ZBTB25: variants seen among roughly 807,000 people sequenced by gnomAD.
ZBTB25 encodes zinc finger and BTB domain-containing protein 25.
Under a neutral mutation model 34.2 loss-of-function variants are expected in ZBTB25, and 20 were observed. The ratio of observed to expected loss-of-function variants is 0.58; its 90% confidence interval spans 0.41 to 0.85. ZBTB25 has a LOEUF of 0.85. Among genes scored for constraint, ZBTB25 ranks in the 40% least tolerant of loss-of-function variants. ZBTB25 has a pLI of 0.00. For synonymous variants in ZBTB25, 175 were observed against 186.4 expected, an observed-to-expected ratio of 0.94 and a Z score of 0.50; for missense variants, 437 against 521.8, an observed-to-expected ratio of 0.84 and a Z score of 1.58.
downstream of ZBTB25, chr14:64,473,140 T>C (rs1234545713): frequency 6.0e-6 from 1 of 167,102 alleles, no homozygotes; most frequent in Non-Finnish European, 1.5e-5. Flanking sequence ...CTCTATTTTA[T>C]GTAGCACTAT....
At position 64,479,889 on chromosome 14, in the gene ZBTB25, A is replaced by G. The variant is rs1227241973; in HGVS notation, c.*7034T>C. ...TACATGAACCTATTCCTTATAATCAATCAATCTCTTTCTCTCTCTCAGTTC... is the reference window on the plus strand; with the variant it reads ...TACATGAACCTATTCCTTATAATCAGTCAATCTCTTTCTCTCTCTCAGTTC... On this transcript the variant is annotated 3_prime_UTR_variant, in exon 3 of 3. Transcript: ENST00000608382. The G allele has an allele frequency of 1.3e-5, 2 of 152,440 alleles. No individual in the cohort carries two copies. Among genetic ancestry groups the G allele is most frequent in the African/African-American group, 4.8e-5 (2 of 41,416 alleles). 9.4% of individuals were successfully genotyped at this position (152,440 alleles called of 1,614,324 possible). A position where few individuals can be genotyped will look rare whatever the true frequency, so the allele number is the denominator to read the frequency against.
At position 64,490,543 on chromosome 14, in the gene ZBTB25, G is replaced by A. The variant is rs1566605911; in HGVS notation, c.-7-3C>T. The stretch of plus-strand genomic sequence containing the variant: ...GGCTGGCAGTGTCCATTGTGGTTCT[G>A]AAAAAAAGGACAAGATAAATGTAGA... On this transcript the variant is annotated splice_polypyrimidine_tract_variant and splice_region_variant and intron_variant, in intron 1 of 2. Transcript: ENST00000608382. 2 of 1,599,312 alleles carry A rather than the reference G, an allele frequency of 1.3e-6. No individual in the cohort carries two copies. Among genetic ancestry groups the A allele is most frequent in the South Asian group, 1.1e-5 (1 of 89,192 alleles).
At chr14:64,468,598 T>G in intron 2 of ZBTB25, 1 of 1,613,898 alleles carries the variant, frequency 6.2e-7, no homozygotes, top group East Asian at 2.2e-5. Context: ...AAGCAGGAGC[T>G]TCTGATCAGC....
At position 64,481,868 on chromosome 14, in the gene ZBTB25, T is replaced by C. The variant is rs2078798759; in HGVS notation, c.*5055A>G. On this transcript the variant is annotated 3_prime_UTR_variant, in exon 3 of 3. Coordinates refer to ENST00000608382, the MANE Select transcript of ZBTB25 (RefSeq NM_006977.5). ...TAATAATTTAAGTGCCACAAATCTA[T>C]ATGTAGTTCAAAATATACAAAGACA... 6.6e-6 allele frequency: 1 copy of C among 152,216 alleles called. No homozygotes were observed. Among genetic ancestry groups the C allele is most frequent in the South Asian group, 2.1e-4 (1 of 4,832 alleles). 9.4% of individuals were successfully genotyped at this position (152,216 alleles called of 1,614,324 possible). A position where few individuals can be genotyped will look rare whatever the true frequency, so the allele number is the denominator to read the frequency against.
intron 1 of ZBTB25, chr14:64,502,921 G>C: frequency 1.0e-6 from 1 of 985,434 alleles, no homozygotes; most frequent in Non-Finnish European, 1.2e-6. Context: ...CTTGTGAGAG[G>C]ATCAACAGCT....
In ZBTB25 at chr14:64,488,056, C is replaced by T; in HGVS notation, c.175G>A (p.Glu59Lys). 1 of 1,609,424 alleles carries T rather than the reference C, an allele frequency of 6.2e-7. No individual in the cohort carries two copies. The change falls in exon 3 of 3, where the codon GAA (glutamate) becomes AAA (lysine). Residue 59 changes from glutamate (E) to lysine (K), a missense_variant and splice_region_variant. Physicochemically the swap from Glu to Lys is moderately conservative, Grantham distance 56 (BLOSUM62 1). Coordinates refer to ENST00000608382, the MANE Select transcript of ZBTB25 (RefSeq NM_006977.5). ...FKMIFIHQTS[E>K]CIKIQPTDIQ... ...TCAGTTGGTTGTATTTTTATGCATT[C>T]ACTGTTAAAAACAAAAACAGACCCA...
At position 64,486,700 on chromosome 14, in the gene ZBTB25, T is replaced by C. The variant is rs1956328270; in HGVS notation, c.*223A>G. 1 of 1,185,324 alleles carries C rather than the reference T, an allele frequency of 8.4e-7. No homozygotes were observed. 73.4% of individuals were successfully genotyped at this position (1,185,324 alleles called of 1,614,324 possible). On this transcript the variant is annotated 3_prime_UTR_variant, in exon 3 of 3. Coordinates refer to ENST00000608382, the MANE Select transcript of ZBTB25 (RefSeq NM_006977.5). ...TTGATTTCTGATTTCTAAATTGTTA[T>C]TTCGTTTGTGAAAAGTTCACAGTAG...
In ZBTB25 at chr14:64,485,239, T is replaced by A; in HGVS notation, c.*1684A>T. Reference sequence around the variant, plus strand: ...TTGGACGCTGATGCTGTTGAATGTGTCAGGAAACGTCCTCAGAAGTGGAGG... The same window carrying A: ...TTGGACGCTGATGCTGTTGAATGTGACAGGAAACGTCCTCAGAAGTGGAGG... On this transcript the variant is annotated 3_prime_UTR_variant, in exon 3 of 3. Transcript: ENST00000608382. 2 of 985,452 alleles carry A rather than the reference T, an allele frequency of 2.0e-6. No individual in the cohort carries two copies. The highest frequency in any genetic ancestry group is 2.4e-6 in the Non-Finnish European group (2 of 829,932). 61.0% of individuals were successfully genotyped at this position (985,452 alleles called of 1,614,324 possible).
intron 2 of ZBTB25, chr14:64,458,308 G>A (rs962605527): frequency 1.2e-6 from 2 of 1,604,876 alleles, no homozygotes; most frequent in Non-Finnish European, 1.7e-6. Flanking sequence ...TTCTAAACAG[G>A]TAAGTTGTTA....
intron 2 of ZBTB25, chr14:64,454,741 A>T: frequency 6.2e-7 from 1 of 1,613,926 alleles, no homozygotes; most frequent in Non-Finnish European, 8.5e-7. Flanking sequence ...GAATCTCCCC[A>T]TCTGCATGGC....
chr14:64,458,174 C>T, intron 2 of ZBTB25: 1 of 1,457,510 alleles, frequency 6.9e-7, no homozygotes, highest in South Asian at 1.1e-5. Context: ...AGCCACTGTG[C>T]CCAGCATTAG....
rs2078809999 is a variant in ZBTB25 at position 64,482,850 on chromosome 14, T to G, written c.*4073A>C. 1 of 152,238 alleles carries G rather than the reference T, an allele frequency of 6.6e-6. No homozygotes were observed. The highest frequency in any genetic ancestry group is 2.1e-4 in the South Asian group (1 of 4,832). The allele number at this position is 152,238 out of a possible 1,614,324, so 9.4% of individuals were successfully genotyped here. On this transcript the variant is annotated 3_prime_UTR_variant, in exon 3 of 3. Transcript: ENST00000608382. ...TTTTAATCAATAATACTGAGAGAACTTAACACGTTTAATATAAATCCTCAC... is the reference window on the plus strand; with the variant it reads ...TTTTAATCAATAATACTGAGAGAACGTAACACGTTTAATATAAATCCTCAC...
intron 2 of ZBTB25, chr14:64,454,769 T>C: frequency 4.3e-6 from 7 of 1,614,102 alleles, no homozygotes; most frequent in Non-Finnish European, 5.9e-6. Flanking sequence ...CACTTGTCTT[T>C]GTCTCACAAC....
intron 2 of ZBTB25, chr14:64,462,379 G>C (rs1484875448): frequency 6.6e-6 from 1 of 152,474 alleles, no homozygotes; most frequent in Admixed American, 6.5e-5. Context: ...CTATGACTGA[G>C]CCACCGCATT....
intron 1 of ZBTB25, among the ~76,000 whole-genome samples, chr14:64,502,055 T>C (rs745580859): frequency 6.6e-6 from 1 of 152,232 alleles, no homozygotes; most frequent in Non-Finnish European, 1.5e-5. Flanking sequence ...GCCCAGGTAA[T>C]GAGCCTGTTT....
At position 64,457,028 on chromosome 14, in the gene ZBTB25, C is replaced by T. The variant is rs1002823384; in HGVS notation, c.174-7390G>A. Among the ~76,000 whole-genome samples the T allele has an allele frequency of 5.9e-5, 9 of 152,184 alleles. No homozygotes were observed. In the South Asian group the frequency reaches 1.7e-3, roughly 28 times the overall value. The stretch of plus-strand genomic sequence containing the variant: ...CATCTAAGTAGAAATTTGTCAAAGC[C>T]GAGTCTTTAGAAAAGTAGTGAGTAC... On this transcript the variant is annotated intron_variant, in intron 2 of 2. Transcript: ENST00000555220.
At chr14:64,466,022 G>T (rs2078609593) in intron 2 of ZBTB25, among the ~76,000 whole-genome samples, 1 of 152,120 alleles carries the variant, frequency 6.6e-6, no homozygotes, top group Non-Finnish European at 1.5e-5. Flanking sequence ...CATAAGGGGC[G>T]TCAAGCCAGA....
chr14:64,464,371 T>C (rs1395399375), intron 2 of ZBTB25, among the ~76,000 whole-genome samples: 1 of 152,210 alleles, frequency 6.6e-6, no homozygotes, highest in African/African-American at 2.4e-5. Context: ...CTTATGGATT[T>C]TCCTGTTTTA....
intron 1 of ZBTB25, among the ~76,000 whole-genome samples, chr14:64,499,879 T>C (rs1347575445): frequency 6.6e-6 from 1 of 151,868 alleles, no homozygotes; most frequent in Non-Finnish European, 1.5e-5. Flanking sequence ...ACAGGAAGAG[T>C]AGTTATGCTC....
Sources: allele counts gnomAD v4.1 joint callset (sites outside exome capture counted in the v4.1 genomes callset), GRCh38; gene constraint gnomAD v4.1.1; transcripts MANE v1.5; gene names NCBI Gene and HGNC (gene_info 2026-07-23, HGNC 2026-07-21).